The following TTC7A variants were observed in gnomAD, a reference collection of about 807,000 sequenced individuals.
TTC7A encodes tetratricopeptide repeat domain 7A.
A neutral mutation model predicts 103.7 loss-of-function variants in TTC7A; 110 were observed. The observed-to-expected ratio is 1.06, with a 90% CI of 0.91 to 1.24. The LOEUF (loss-of-function observed/expected upper bound fraction) is 1.24, where lower values mean the gene tolerates loss of function less well. Ranked by LOEUF, TTC7A falls within the 50% of genes most tolerant of loss-of-function variation. The pLI, the probability that TTC7A is intolerant of heterozygous loss-of-function variation, is 0.00. For missense variants in TTC7A, 1,340 were observed against 1,116.3 expected, an observed-to-expected ratio of 1.20 and a Z score of -2.86; for synonymous variants, 521 against 467.9, an observed-to-expected ratio of 1.11 and a Z score of -1.47.
chr2:47,057,814 G>T (rs1170266408), intron 18 of TTC7A, among the ~76,000 whole-genome samples: 2 of 152,166 alleles, frequency 1.3e-5, no homozygotes, highest in African/African-American at 4.8e-5. Flanking sequence ...TCCTCCCTCA[G>T]GAAGACTTCC....
At chr2:47,049,469 T>A (rs1682648359) in intron 16 of TTC7A, among the ~76,000 whole-genome samples, 1 of 151,906 alleles carries the variant, frequency 6.6e-6, no homozygotes, top group African/African-American at 2.4e-5. Context: ...CTCCGCTGGC[T>A]CTTCTGGGGA....
intron 8 of TTC7A, among the ~76,000 whole-genome samples, chr2:47,000,496 G>A (rs191316482): frequency 5.9e-5 from 9 of 152,326 alleles, no homozygotes; most frequent in Non-Finnish European, 8.8e-5. Context: ...GGAACCTGAC[G>A]CAGCAGGAGC....
chr2:47,003,347 G>C lies in TTC7A; in HGVS notation c.1066-2575G>C, dbSNP rs368381537. On this transcript the variant is annotated intron_variant, in intron 8 of 19. Transcript: ENST00000319190. ...GACCTCTCCTGGTGAGATGAGTTAG[G>C]GATGGTGCTGTAAGAGGGTGGTCCT... is the stretch of plus-strand genomic sequence containing the variant. 5.1e-4 allele frequency among the ~76,000 whole-genome samples: 78 copies of C among 152,232 alleles called. 1 individual carries two copies. The highest frequency in any genetic ancestry group is 1.8e-3 in the African/African-American group (73 of 41,530).
chr2:47,031,788 A>C (rs1680571828), intron 15 of TTC7A, among the ~76,000 whole-genome samples: 1 of 152,198 alleles, frequency 6.6e-6, no homozygotes, highest in African/African-American at 2.4e-5. Flanking sequence ...GCCAGGCTAA[A>C]GCAGCTCCCC....
At chr2:46,925,912 A>C (rs1669359555) in intron 2 of TTC7A, among the ~76,000 whole-genome samples, 1 of 152,232 alleles carries the variant, frequency 6.6e-6, no homozygotes, top group Non-Finnish European at 1.5e-5. Context: ...TCTTAGATAC[A>C]CTACAACAGT....
intron 15 of TTC7A, among the ~76,000 whole-genome samples, chr2:47,039,577 G>A (rs1385789572): frequency 6.6e-6 from 1 of 152,188 alleles, no homozygotes; most frequent in Non-Finnish European, 1.5e-5. Flanking sequence ...TTTTGGAAAA[G>A]CCATACTTAC....
intron 19 of TTC7A, among the ~76,000 whole-genome samples, chr2:47,066,952 C>G (rs72875114): frequency 0.01 from 1,533 of 152,304 alleles, 23 homozygotes; most frequent in African/African-American, 0.034. Context: ...GATCGAGGGG[C>G]ACATCTGGCG....
At chr2:47,043,365 C>T (rs55813111) in intron 15 of TTC7A, among the ~76,000 whole-genome samples, 14,191 of 152,108 alleles carry the variant, frequency 0.093, 701 homozygotes, top group Non-Finnish European at 0.11. Flanking sequence ...AGCCAGAGGG[C>T]GACATCTGGT....
intron 18 of TTC7A, among the ~76,000 whole-genome samples, chr2:47,060,338 G>A (rs1168451375): frequency 1.3e-5 from 2 of 151,928 alleles, no homozygotes; most frequent in Admixed American, 6.6e-5. Flanking sequence ...CCACTGCACT[G>A]CAGCCTGGAC....
At chr2:47,010,814 C>G (rs1280788016) in intron 10 of TTC7A, among the ~76,000 whole-genome samples, 1 of 152,188 alleles carries the variant, frequency 6.6e-6, no homozygotes, top group African/African-American at 2.4e-5. Context: ...ATTCTCGTGT[C>G]TCAGCCTCCT....
At chr2:46,918,060 A>G (rs1305820483) in intron 2 of TTC7A, among the ~76,000 whole-genome samples, 1 of 152,178 alleles carries the variant, frequency 6.6e-6, no homozygotes, top group East Asian at 1.9e-4. Context: ...CTCTCTGACA[A>G]TGACCTCTCT....
chr2:46,941,394 C>G lies in TTC7A; in HGVS notation c.-148C>G. 2.8e-6 allele frequency: 2 copies of G among 711,162 alleles called. No homozygotes were observed. Among genetic ancestry groups the G allele is most frequent in the African/African-American group, 3.7e-5 (2 of 53,422 alleles). The allele number at this position is 711,162 out of a possible 1,614,324, so 44.1% of individuals were successfully genotyped here. A position where few individuals can be genotyped will look rare whatever the true frequency, so the allele number is the denominator to read the frequency against. ...GCTGCTGCTGCTGCTGCCCACCCTCCGCCGCCCGGGCCCCCGCTGCCGCCC... is the reference window on the plus strand; with the variant it reads ...GCTGCTGCTGCTGCTGCCCACCCTCGGCCGCCCGGGCCCCCGCTGCCGCCC... On this transcript the variant is annotated 5_prime_UTR_variant, in exon 1 of 20. Transcript: ENST00000319190. The surrounding 1 kb of genome is among the most constrained non-coding windows in gnomAD (Gnocchi z 4.2).
intron 18 of TTC7A, among the ~76,000 whole-genome samples, chr2:47,057,514 G>A (rs1683416287): frequency 6.6e-6 from 1 of 152,150 alleles, no homozygotes; most frequent in South Asian, 2.1e-4. Context: ...CCCAAGGGAG[G>A]GACAAGGGGC....
chr2:47,070,358 G>C (rs781397730), intron 19 of TTC7A, among the ~76,000 whole-genome samples: 11 of 152,250 alleles, frequency 7.2e-5, no homozygotes, highest in Non-Finnish European at 1.3e-4. Flanking sequence ...GGCAGGGCTT[G>C]CCAAGCTCCA....
chr2:47,000,458 G>A (rs569565443), intron 8 of TTC7A, among the ~76,000 whole-genome samples: 56 of 152,310 alleles, frequency 3.7e-4, no homozygotes, highest in African/African-American at 1.1e-3. Context: ...CTCTCTAACC[G>A]GCAGAAAGAG....
At chr2:47,003,750 C>T (rs60962761) in intron 8 of TTC7A, among the ~76,000 whole-genome samples, 17,060 of 152,254 alleles carry the variant, frequency 0.11, 1,057 homozygotes, top group South Asian at 0.16. Flanking sequence ...TAATGCTGCT[C>T]CTTCCTGTTC....
At chr2:46,971,709 G>A (rs1040795249) in intron 3 of TTC7A, among the ~76,000 whole-genome samples, 10 of 152,114 alleles carry the variant, frequency 6.6e-5, no homozygotes, top group Non-Finnish European at 1.5e-4. Flanking sequence ...TCATTAGGTG[G>A]ATGTTGGGGC....
intron 11 of TTC7A, among the ~76,000 whole-genome samples, chr2:47,018,724 T>A (rs1678959017): frequency 6.6e-6 from 1 of 152,240 alleles, no homozygotes; most frequent in Non-Finnish European, 1.5e-5. Context: ...TAATAATAGT[T>A]ATTTTTTTTT....
At chr2:47,044,625 G>C (rs1242190065) in intron 15 of TTC7A, among the ~76,000 whole-genome samples, 1 of 152,212 alleles carries the variant, frequency 6.6e-6, no homozygotes, top group African/African-American at 2.4e-5. Flanking sequence ...AATTGAGAGA[G>C]GTGGGATTTA....
Sources: allele counts gnomAD v4.1 joint callset (sites outside exome capture counted in the v4.1 genomes callset), GRCh38; gene constraint gnomAD v4.1.1; non-coding constraint Gnocchi (gnomAD v3.1); transcripts MANE v1.5; gene names NCBI Gene and HGNC (gene_info 2026-07-23, HGNC 2026-07-21).